STXBP5L: variants seen among roughly 807,000 people sequenced by gnomAD.
The protein encoded by STXBP5L is syntaxin binding protein 5L, also known as syntaxin-binding protein 5-like.
Under a neutral mutation model 144.5 loss-of-function variants are expected in STXBP5L, and 65 were observed. The observed-to-expected ratio is 0.45, with a 90% CI of 0.37 to 0.55. The LOEUF is 0.55. Among genes scored for constraint, STXBP5L ranks in the 20% least tolerant of loss-of-function variants. The pLI, the probability that STXBP5L is intolerant of heterozygous loss-of-function variation, is 0.00. For missense variants in STXBP5L, 1,298 were observed against 1,405.5 expected (o/e 0.92, Z 1.22); for synonymous variants, 505 against 469.6 (o/e 1.08, Z -0.97).
chr3:121,362,111 A>T (rs2045728781), intron 20 of STXBP5L, among the ~76,000 whole-genome samples: 2 of 152,178 alleles, frequency 1.3e-5, no homozygotes, highest in Admixed American at 6.5e-5. Context: ...AGAGACTCTT[A>T]TTCTTTACTT....
intron 20 of STXBP5L, among the ~76,000 whole-genome samples, chr3:121,327,719 T>G (rs770539117): frequency 6.6e-6 from 1 of 152,222 alleles, no homozygotes; most frequent in Non-Finnish European, 1.5e-5. Flanking sequence ...TCTACAGATT[T>G]TCTTTCTTTT....
intron 5 of STXBP5L, among the ~76,000 whole-genome samples, chr3:121,102,235 A>G (rs1273618973): frequency 6.6e-6 from 1 of 152,168 alleles, no homozygotes; most frequent in Non-Finnish European, 1.5e-5. Flanking sequence ...TGGAACCAAA[A>G]TAGAGCCCAA....
intron 20 of STXBP5L, among the ~76,000 whole-genome samples, chr3:121,354,746 G>T (rs1406331697): frequency 1.3e-5 from 2 of 151,960 alleles, no homozygotes; most frequent in African/African-American, 4.8e-5. Context: ...GATGTTAGCT[G>T]GTTATTTTGC....
chr3:120,926,592 T>C (rs1297464272), intron 2 of STXBP5L, among the ~76,000 whole-genome samples: 1 of 152,130 alleles, frequency 6.6e-6, no homozygotes, highest in African/African-American at 2.4e-5. Flanking sequence ...CTTTTCTAGT[T>C]TTAGAAAGTT....
chr3:121,135,176 A>T (rs1300054061), intron 7 of STXBP5L, among the ~76,000 whole-genome samples: 4 of 152,088 alleles, frequency 2.6e-5, no homozygotes, highest in African/African-American at 9.7e-5. Flanking sequence ...GCATTTTTTC[A>T]TGAGTCTGTT....
chr3:121,320,498 A>G (rs1408554885), intron 20 of STXBP5L, among the ~76,000 whole-genome samples: 2 of 152,110 alleles, frequency 1.3e-5, no homozygotes, highest in East Asian at 3.9e-4. Context: ...CTTCAATACA[A>G]TGTTGAATAG....
At chr3:121,237,499 G>T (rs1287869195) in intron 12 of STXBP5L, among the ~76,000 whole-genome samples, 1 of 152,180 alleles carries the variant, frequency 6.6e-6, no homozygotes, top group Non-Finnish European at 1.5e-5. Context: ...AATGCCTTTT[G>T]TCCATTGTCT....
chr3:121,283,305 A>G (rs1305869489), intron 19 of STXBP5L, among the ~76,000 whole-genome samples: 1 of 152,022 alleles, frequency 6.6e-6, no homozygotes, highest in African/African-American at 2.4e-5. Context: ...TTAGCTTACA[A>G]AAGTCAGTCT....
intron 3 of STXBP5L, among the ~76,000 whole-genome samples, chr3:121,024,098 GCCC>G (rs1456238646): frequency 6.6e-6 from 1 of 152,040 alleles, no homozygotes; most frequent in Non-Finnish European, 1.5e-5. Context: ...AATAAAAATT[GCCC>G]TGCGAAAGAC....
chr3:121,096,305 C>T lies in STXBP5L; in HGVS notation c.471-18620C>T, dbSNP rs192507521. On this transcript the variant is annotated intron_variant, in intron 5 of 26. Transcript: ENST00000471454. ...TGCTTGCATTGGGTTAGAATATGCT[C>T]CTTTAGCCTGGAGGAGTTTGTTGTT... Among the ~76,000 whole-genome samples the T allele has an allele frequency of 5.3e-5, 8 of 152,282 alleles. No individual in the cohort carries two copies. The East Asian group carries it at 1.2e-3, about 22-fold the overall frequency.
At chr3:121,041,381 G>T (rs1238824108) in intron 3 of STXBP5L, among the ~76,000 whole-genome samples, 3 of 151,766 alleles carry the variant, frequency 2.0e-5, no homozygotes. Context: ...AATTTATTGT[G>T]GTGAAAATAG....
chr3:121,158,401 A>G (rs1189175412), intron 9 of STXBP5L: 1 of 152,206 alleles, frequency 6.6e-6, no homozygotes, highest in African/African-American at 2.4e-5. Context: ...ACATTTGGAA[A>G]GTAGTGGTAT....
chr3:120,947,660 A>G (rs542616334), intron 2 of STXBP5L, among the ~76,000 whole-genome samples: 1 of 151,830 alleles, frequency 6.6e-6, no homozygotes, highest in South Asian at 2.1e-4. Context: ...ACTAATATAA[A>G]TTCTGTTTCT....
chr3:121,338,524 TC>T lies in STXBP5L; in HGVS notation c.2176+19987del, dbSNP rs1211311758. Among the ~76,000 whole-genome samples, 19 of 137,230 alleles carry T rather than the reference TC, an allele frequency of 1.4e-4. No individual in the cohort carries two copies. The East Asian group carries it at 3.9e-3, about 28-fold the overall frequency. The allele number at this position is 137,230 out of a possible 152,430, so 90.0% of individuals were successfully genotyped here. On this transcript the variant is annotated intron_variant, in intron 20 of 26. Transcript: ENST00000471454. ...CTGGGGGTGGTGGTGCCGCCTGTAATCCCAGCTACTTGGGAGACTGAAGCAG... is the reference window on the plus strand; with the variant it reads ...CTGGGGGTGGTGGTGCCGCCTGTAATCCAGCTACTTGGGAGACTGAAGCAG...
intron 3 of STXBP5L, among the ~76,000 whole-genome samples, chr3:121,024,940 G>A (rs1231325277): frequency 5.3e-5 from 8 of 152,112 alleles, no homozygotes; most frequent in Non-Finnish European, 1.2e-4. Context: ...TCAATGCTTA[G>A]AACAGTATCA....
intron 10 of STXBP5L, among the ~76,000 whole-genome samples, chr3:121,209,834 G>A (rs926746341): frequency 2.6e-5 from 4 of 152,190 alleles, no homozygotes; most frequent in African/African-American, 9.7e-5. Flanking sequence ...GTCTATCACT[G>A]ATGGACATTT....
intron 2 of STXBP5L, among the ~76,000 whole-genome samples, chr3:120,950,611 A>T (rs1219058339): frequency 6.6e-6 from 1 of 152,024 alleles, no homozygotes; most frequent in Non-Finnish European, 1.5e-5. Flanking sequence ...TGTATACATG[A>T]GACATGCTGG....
intron 5 of STXBP5L, among the ~76,000 whole-genome samples, chr3:121,077,267 C>G (rs898506657): frequency 1.3e-5 from 2 of 152,176 alleles, no homozygotes; most frequent in Non-Finnish European, 2.9e-5. Context: ...ACGGGGCAAT[C>G]AAAGACTGGA....
At chr3:121,254,303 A>T (rs1184012160) in intron 15 of STXBP5L, among the ~76,000 whole-genome samples, 1 of 150,658 alleles carries the variant, frequency 6.6e-6, no homozygotes, top group East Asian at 2.0e-4. Context: ...AACACAATGT[A>T]TGAGATTATA....
Sources: allele counts gnomAD v4.1 joint callset (sites outside exome capture counted in the v4.1 genomes callset), GRCh38; gene constraint gnomAD v4.1.1; transcripts MANE v1.5; gene names NCBI Gene and HGNC (gene_info 2026-07-23, HGNC 2026-07-21).